Variants in PABPC4L observed in about 807,000 individuals in gnomAD.
The protein encoded by PABPC4L is poly(A) binding protein cytoplasmic 4 like.
For synonymous variants in PABPC4L, 169 were observed against 164.1 expected (o/e 1.03, Z -0.23); for missense variants, 452 against 451.4 (o/e 1.00, Z -0.01).
At chr4:134,059,682 G>A in the PABPC4L span, among the ~76,000 whole-genome samples, 3 of 151,396 alleles carry the variant, frequency 2.0e-5, no homozygotes, top group African/African-American at 7.3e-5. Flanking sequence ...TCAATAGAAC[G>A]GTTAGTTGGC....
At chr4:134,070,337 A>T in the PABPC4L span, among the ~76,000 whole-genome samples, 1 of 152,064 alleles carries the variant, frequency 6.6e-6, no homozygotes, top group Non-Finnish European at 1.5e-5. Context: ...GTGCATGTGC[A>T]TCGGCTGTGG....
the PABPC4L span, among the ~76,000 whole-genome samples, chr4:134,130,569 C>T: frequency 6.6e-6 from 1 of 151,944 alleles, no homozygotes; most frequent in Non-Finnish European, 1.5e-5. Context: ...AGGCCAGGCC[C>T]AGAGAGATTC....
chr4:133,951,228 T>C, the PABPC4L span, among the ~76,000 whole-genome samples: 4 of 152,196 alleles, frequency 2.6e-5, no homozygotes, highest in African/African-American at 9.7e-5. Flanking sequence ...TAAGGTCTGG[T>C]CTAACTTTGG....
At chr4:133,984,508 CATT>C in the PABPC4L span, among the ~76,000 whole-genome samples, 5 of 151,830 alleles carry the variant, frequency 3.3e-5, no homozygotes, top group Non-Finnish European at 4.4e-5. Flanking sequence ...AATTGTATAT[CATT>C]AGTCATGTAG....
At chr4:134,102,414 T>A in the PABPC4L span, among the ~76,000 whole-genome samples, 2 of 151,516 alleles carry the variant, frequency 1.3e-5, no homozygotes, top group Admixed American at 1.3e-4. Context: ...TAAAAAAAAA[T>A]GTTGATGTTC....
the PABPC4L span, among the ~76,000 whole-genome samples, chr4:134,052,734 T>C: frequency 6.6e-6 from 1 of 152,074 alleles, no homozygotes; most frequent in Non-Finnish European, 1.5e-5. Context: ...ATATTTATTA[T>C]GCTTGAATGG....
the PABPC4L span, among the ~76,000 whole-genome samples, chr4:134,017,342 C>A: frequency 7.4e-4 from 113 of 152,242 alleles, 3 homozygotes; most frequent in South Asian, 0.021. Context: ...TTAGATGCTC[C>A]TTTTTATTAG....
the PABPC4L span, among the ~76,000 whole-genome samples, chr4:134,083,409 A>C: frequency 6.6e-6 from 1 of 152,166 alleles, no homozygotes. Context: ...GCCAAAAAAA[A>C]AATACCAAGA....
At chr4:133,998,024 T>C in the PABPC4L span, among the ~76,000 whole-genome samples, 2 of 151,958 alleles carry the variant, frequency 1.3e-5, no homozygotes, top group African/African-American at 4.8e-5. Context: ...TTGTATATAA[T>C]CAAATGTACA....
chr4:134,004,477 A>G, the PABPC4L span, among the ~76,000 whole-genome samples: 35 of 151,964 alleles, frequency 2.3e-4, no homozygotes, highest in African/African-American at 7.7e-4. Context: ...CTGACAGAAG[A>G]TAAGTGTTGG....
At chr4:134,030,479 G>T in the PABPC4L span, among the ~76,000 whole-genome samples, 2 of 151,994 alleles carry the variant, frequency 1.3e-5, no homozygotes, top group Non-Finnish European at 2.9e-5. Flanking sequence ...TCTTACAGAA[G>T]AAATCACATA....
At chr4:134,111,516 T>C in the PABPC4L span, among the ~76,000 whole-genome samples, 4 of 151,944 alleles carry the variant, frequency 2.6e-5, no homozygotes, top group African/African-American at 4.8e-5. Context: ...TACACACATA[T>C]AGACTTCTAT....
At chr4:133,975,199 T>C in the PABPC4L span, among the ~76,000 whole-genome samples, 1 of 152,082 alleles carries the variant, frequency 6.6e-6, no homozygotes, top group East Asian at 1.9e-4. Flanking sequence ...TATCACAACA[T>C]GAATAAACCT....
At chr4:134,088,980 G>A in the PABPC4L span, among the ~76,000 whole-genome samples, 4 of 152,038 alleles carry the variant, frequency 2.6e-5, no homozygotes, top group East Asian at 7.7e-4. Flanking sequence ...GGAGAGAGGT[G>A]TAATAATGTA....
At chr4:134,159,116 G>A in the PABPC4L span, among the ~76,000 whole-genome samples, 1 of 152,174 alleles carries the variant, frequency 6.6e-6, no homozygotes, top group Non-Finnish European at 1.5e-5. Context: ...AACTCAGTGA[G>A]TGAGTGGCGA....
the PABPC4L span, among the ~76,000 whole-genome samples, chr4:134,022,053 C>T: frequency 6.6e-6 from 1 of 151,966 alleles, no homozygotes; most frequent in Non-Finnish European, 1.5e-5. Flanking sequence ...ATAGCTGTGG[C>T]TAAATACAGC....
the PABPC4L span, among the ~76,000 whole-genome samples, chr4:134,048,373 A>G: frequency 6.6e-6 from 1 of 152,108 alleles, no homozygotes; most frequent in African/African-American, 2.4e-5. Flanking sequence ...GCAGTAATAT[A>G]CCCAGATGTT....
chr4:134,122,271 T>C, the PABPC4L span, among the ~76,000 whole-genome samples: 1 of 151,890 alleles, frequency 6.6e-6, no homozygotes, highest in Non-Finnish European at 1.5e-5. Context: ...CTTTTGCACA[T>C]ATGACTGTAT....
the PABPC4L span, among the ~76,000 whole-genome samples, chr4:134,106,783 T>C: frequency 6.6e-6 from 1 of 151,450 alleles, no homozygotes; most frequent in Admixed American, 6.6e-5. Flanking sequence ...CCAGTCTGAT[T>C]CTTTCTGATA....
Sources: allele counts gnomAD v4.1 joint callset (sites outside exome capture counted in the v4.1 genomes callset), GRCh38; gene constraint gnomAD v4.1.1; transcripts MANE v1.5; gene names NCBI Gene and HGNC (gene_info 2026-07-23, HGNC 2026-07-21).